The following CEP128 variants were observed in gnomAD, a reference collection of about 807,000 sequenced individuals.
The protein encoded by CEP128 is centrosomal protein 128kDa.
Under a neutral mutation model 156.7 loss-of-function variants are expected in CEP128, and 132 were observed. The observed-to-expected ratio is 0.84, with a 90% CI of 0.73 to 0.97. CEP128 has a LOEUF of 0.97. CEP128 is among the 50% of genes least tolerant of loss of function. The pLI is 0.00. For synonymous variants in CEP128, 469 were observed against 448.9 expected, an observed-to-expected ratio of 1.04 and a Z score of -0.57; for missense variants, 1,252 against 1,281.9, an observed-to-expected ratio of 0.98 and a Z score of 0.36.
chr14:80,893,508 C>CAA (rs55840549), intron 8 of CEP128, among the ~76,000 whole-genome samples: 1,717 of 140,266 alleles, frequency 0.012, 42 homozygotes, highest in African/African-American at 0.04. Flanking sequence ...CAAACCAAAA[C>CAA]AAAAAAAAAA....
At chr14:80,523,871 T>C (rs1245092394) in intron 23 of CEP128, among the ~76,000 whole-genome samples, 1 of 152,224 alleles carries the variant, frequency 6.6e-6, no homozygotes, top group African/African-American at 2.4e-5. Flanking sequence ...ACTTTTTCTA[T>C]AGAGGGCCAG....
chr14:80,895,761 T>G lies in CEP128; in HGVS notation c.602A>C (p.Glu201Ala). The change falls in exon 8 of 25, where the codon GAA (glutamate) becomes GCA (alanine). Residue 201 changes from glutamate to alanine, a missense_variant. Coordinates refer to ENST00000555265, the MANE Select transcript of CEP128 (RefSeq NM_152446.5). ...RSDAETKRAL[E>A]ELTEKLNEAQ... ...TTCATTAAGTTTTTCAGTCAATTCTTCCAAAGCCCTTTTTGTTTCGGCATC... is the reference window on the plus strand; with the variant it reads ...TTCATTAAGTTTTTCAGTCAATTCTGCCAAAGCCCTTTTTGTTTCGGCATC... 6.4e-7 allele frequency: 1 copy of G among 1,555,916 alleles called. No homozygotes were observed. Among genetic ancestry groups the G allele is most frequent in the South Asian group, 1.2e-5 (1 of 83,228 alleles).
At chr14:80,920,501 T>G (rs1884798075) in intron 2 of CEP128, among the ~76,000 whole-genome samples, 1 of 152,218 alleles carries the variant, frequency 6.6e-6, no homozygotes, top group Non-Finnish European at 1.5e-5. Context: ...ATGTATTATT[T>G]TATACTATAA....
At chr14:80,639,091 A>T (rs1894307405) in intron 19 of CEP128, among the ~76,000 whole-genome samples, 1 of 152,280 alleles carries the variant, frequency 6.6e-6, no homozygotes, top group African/African-American at 2.4e-5. Flanking sequence ...GGTGGAGTGA[A>T]CTAACTTAAA....
At chr14:80,881,163 T>C (rs1028886385) in intron 8 of CEP128, among the ~76,000 whole-genome samples, 2 of 151,688 alleles carry the variant, frequency 1.3e-5, no homozygotes, top group African/African-American at 4.8e-5. Context: ...ATAAATAAAA[T>C]TGACAAACCT....
intron 19 of CEP128, among the ~76,000 whole-genome samples, chr14:80,646,351 A>T (rs79722776): frequency 0.074 from 10,756 of 145,018 alleles, 428 homozygotes; most frequent in African/African-American, 0.1. Flanking sequence ...AAATGAAGTC[A>T]TTTTTTTTTT....
chr14:80,643,182 A>T (rs1894493703), intron 19 of CEP128, among the ~76,000 whole-genome samples: 2 of 152,222 alleles, frequency 1.3e-5, no homozygotes, highest in South Asian at 2.1e-4. Context: ...CATCAGGAAA[A>T]TCAAGTGGCA....
At chr14:80,572,717 G>C (rs10151722) in intron 20 of CEP128, among the ~76,000 whole-genome samples, 7,939 of 151,994 alleles carry the variant, frequency 0.052, 690 homozygotes, top group African/African-American at 0.18. Flanking sequence ...AAAAACACAA[G>C]AAAACATACA....
intron 19 of CEP128, among the ~76,000 whole-genome samples, chr14:80,707,094 G>T (rs890171685): frequency 6.6e-6 from 1 of 152,012 alleles, no homozygotes; most frequent in Non-Finnish European, 1.5e-5. Flanking sequence ...TTCAATGTTG[G>T]TGGCAGATGT....
chr14:80,504,863 C>T (rs1185193818), intron 24 of CEP128, 49 bp downstream of exon 24: 2 of 942,646 alleles, frequency 2.1e-6, no homozygotes, highest in South Asian at 1.7e-5. Context: ...CCATGTGTTG[C>T]ATTTTCTTAA....
chr14:80,609,019 T>C lies in CEP128; in HGVS notation c.2807-28596A>G, dbSNP rs770395434. Among the ~76,000 whole-genome samples, 15 of 152,282 alleles carry C rather than the reference T, an allele frequency of 9.9e-5. 1 individual carries two copies. The highest frequency in any genetic ancestry group is 5.9e-4 in the Admixed American group (9 of 15,294). On this transcript the variant is annotated intron_variant, in intron 19 of 24. Coordinates refer to ENST00000555265, the MANE Select transcript of CEP128 (RefSeq NM_152446.5). ...GCATATTAAAAATGTATATTGAAGATTGAAGTATATTACATTTTTTGAGAT... is the reference window on the plus strand; with the variant it reads ...GCATATTAAAAATGTATATTGAAGACTGAAGTATATTACATTTTTTGAGAT...
At chr14:80,877,266 G>T (rs534196377) in intron 8 of CEP128, among the ~76,000 whole-genome samples, 3 of 151,948 alleles carry the variant, frequency 2.0e-5, no homozygotes, top group African/African-American at 7.2e-5. Flanking sequence ...AATATAGTAA[G>T]TGGGTCCAAG....
chr14:80,737,821 T>C (rs1262272287), intron 19 of CEP128, among the ~76,000 whole-genome samples: 3 of 151,656 alleles, frequency 2.0e-5, no homozygotes, highest in Non-Finnish European at 4.4e-5. Context: ...GCCTGAGGGG[T>C]CAAGGCCGCA....
intron 19 of CEP128, among the ~76,000 whole-genome samples, chr14:80,671,559 T>G (rs1286487566): frequency 2.0e-5 from 3 of 152,178 alleles, no homozygotes; most frequent in Non-Finnish European, 1.5e-5. Context: ...CTTCTATTCT[T>G]TATAAACAAT....
At chr14:80,621,290 C>T (rs1305013629) in intron 19 of CEP128, among the ~76,000 whole-genome samples, 1 of 152,082 alleles carries the variant, frequency 6.6e-6, no homozygotes, top group Non-Finnish European at 1.5e-5. Context: ...CAAGAACAGG[C>T]TAAATTAGTC....
chr14:80,527,078 T>C (rs1889008417), intron 22 of CEP128, 96 bp from the exon 23 acceptor site: 1 of 618,424 alleles, frequency 1.6e-6, no homozygotes, highest in Non-Finnish European at 2.8e-6. Context: ...TAGATAAAAA[T>C]GAAAATAAAT....
intron 19 of CEP128, among the ~76,000 whole-genome samples, chr14:80,720,678 T>C (rs916291527): frequency 1.4e-4 from 21 of 152,206 alleles, no homozygotes; most frequent in African/African-American, 5.1e-4. Context: ...TAATAAAAGT[T>C]CTTCCAAATT....
chr14:80,734,878 A>G (rs1898454635), intron 19 of CEP128, among the ~76,000 whole-genome samples: 1 of 150,554 alleles, frequency 6.6e-6, no homozygotes, highest in Non-Finnish European at 1.5e-5. Context: ...AAGGAAAAAC[A>G]GTAACTGAAA....
intron 13 of CEP128, chr14:80,822,619 T>G (rs1161629789): frequency 2.8e-6 from 2 of 725,966 alleles, no homozygotes; most frequent in Non-Finnish European, 5.1e-6. Context: ...CAGCTAAACC[T>G]GCTCCTCCAA....
Sources: allele counts gnomAD v4.1 joint callset (sites outside exome capture counted in the v4.1 genomes callset), GRCh38; gene constraint gnomAD v4.1.1; transcripts MANE v1.5; gene names NCBI Gene and HGNC (gene_info 2026-07-23, HGNC 2026-07-21).